The following KCNQ4 variants were observed in gnomAD, a reference collection of about 807,000 sequenced individuals.
KCNQ4 encodes potassium voltage-gated channel subfamily Q member 4.
KCNQ4 carries 31 observed loss-of-function variants against 72.6 expected under a neutral mutation model. The observed-to-expected ratio is 0.43, with a 90% CI of 0.32 to 0.58. The LOEUF (loss-of-function observed/expected upper bound fraction) is 0.58, where lower values mean the gene tolerates loss of function less well. KCNQ4 is among the 20% of genes least tolerant of loss of function. The pLI is 0.08. For missense variants in KCNQ4, 869 were observed against 962.6 expected (o/e 0.90, Z 1.29); for synonymous variants, 405 against 403.7 (o/e 1.00, Z -0.04).
At position 40,831,075 on chromosome 1, in the gene KCNQ4, C is replaced by T; in HGVS notation, c.1293-9C>T. The T allele has an allele frequency of 3.8e-6, 6 of 1,571,054 alleles. No individual in the cohort carries two copies. Among genetic ancestry groups the T allele is most frequent in the Non-Finnish European group, 5.2e-6 (6 of 1,157,876 alleles). ...ACTTGGCTCTCTCCCAACCTGCCTG[C>T]CCTGCCAGCAGCCGGATGGGCATCA... On this transcript the variant is annotated splice_polypyrimidine_tract_variant and intron_variant, in intron 9 of 13. Transcript: ENST00000347132.
At chr1:40,808,530 C>T (rs1354366082) in intron 1 of KCNQ4, among the ~76,000 whole-genome samples, 1 of 152,098 alleles carries the variant, frequency 6.6e-6, no homozygotes, top group Non-Finnish European at 1.5e-5. Flanking sequence ...AGATCCCCCA[C>T]CCCACCCTCC....
chr1:40,830,332 C>T (rs1176270553), intron 9 of KCNQ4, among the ~76,000 whole-genome samples: 2 of 152,168 alleles, frequency 1.3e-5, no homozygotes, highest in African/African-American at 4.8e-5. Flanking sequence ...TAGGCCATCA[C>T]GCTGCACACC....
chr1:40,824,257 A>C lies in KCNQ4; in HGVS notation c.1291A>C (p.Ser431Arg), dbSNP rs778836515. The stretch of plus-strand genomic sequence containing the variant: ...CAGCACCTCCTTCTGCCCTGGGGAA[A>C]GGTAGGGGCCCCGTGGGGCTGCCAC... ...PGSTSFCPGESSRMGIKDRIR... is the reference protein window; with the variant it reads ...PGSTSFCPGERSRMGIKDRIR... Residue 431 changes from serine to arginine, a missense_variant and splice_region_variant, in exon 9 of 14, where the codon AGC becomes CGC. Transcript: ENST00000347132. The C allele has an allele frequency of 6.2e-7, 1 of 1,607,258 alleles. No individual in the cohort carries two copies. Among genetic ancestry groups the C allele is most frequent in the Non-Finnish European group, 8.5e-7 (1 of 1,177,980 alleles).
rs1476670531 is a variant in KCNQ4, at chr1:40,838,476, GC to G, written c.2042del (p.Ala681AspfsTer60). 6.2e-7 allele frequency: 1 copy of G among 1,614,150 alleles called. No homozygotes were observed. The highest frequency in any genetic ancestry group is 2.2e-5 in the East Asian group (1 of 44,882). On this transcript the variant is annotated frameshift_variant, in exon 14 of 14. Transcript: ENST00000347132. LOFTEE classifies it high-confidence loss of function. ...GGACCACGAGGACATCTCCGTCTCC[GC>G]ACAGACGCTCAGCATCTCCCGCTCG... Reference protein sequence around the residue: ...PVDHEDISVSAQTLSISRSVS... With the variant: ...PVDHEDISVSXQTLSISRSVS...
chr1:40,831,990 C>T (rs1648665622), intron 10 of KCNQ4, among the ~76,000 whole-genome samples: 2 of 152,230 alleles, frequency 1.3e-5, no homozygotes, highest in South Asian at 4.1e-4. Context: ...TCTTCCTACC[C>T]CTCTTCACCC....
intron 8 of KCNQ4, among the ~76,000 whole-genome samples, chr1:40,823,836 A>C (rs1648388302): frequency 6.6e-6 from 1 of 152,206 alleles, no homozygotes; most frequent in African/African-American, 2.4e-5. Context: ...TGATGGGCTG[A>C]GAGTAAGCTC....
In KCNQ4 at chr1:40,784,109, C is replaced by T; in HGVS notation, c.16C>T (p.Pro6Ser). 2 of 630,690 alleles carry T rather than the reference C, an allele frequency of 3.2e-6. No homozygotes were observed. The highest frequency in any genetic ancestry group is 6.4e-5 in the South Asian group (1 of 15,700). 39.1% of individuals were successfully genotyped at this position (630,690 alleles called of 1,614,324 possible). A position where few individuals can be genotyped will look rare whatever the true frequency, so the allele number is the denominator to read the frequency against. Residue 6 changes from proline (P) to serine (S), a missense_variant, in exon 1 of 14, where the codon CCG becomes TCG. Transcript: ENST00000347132. This position sits in a 1 kb window ranked among gnomAD's most constrained non-coding sequence, Gnocchi z 4.1. MAEAP[P>S]RRLGLGPPPG... ...GGCGCCGCCCATGGCCGAGGCCCCC[C>T]CGCGCCGCCTCGGCCTGGGTCCCCC...
At chr1:40,801,281 T>C (rs1420238584) in intron 1 of KCNQ4, among the ~76,000 whole-genome samples, 1 of 152,064 alleles carries the variant, frequency 6.6e-6, no homozygotes, top group Non-Finnish European at 1.5e-5. Context: ...ACATCTCCTA[T>C]CTCCTCCTCC....
At chr1:40,830,645 T>C (rs1648613232) in intron 9 of KCNQ4, among the ~76,000 whole-genome samples, 1 of 152,060 alleles carries the variant, frequency 6.6e-6, no homozygotes. Flanking sequence ...ACTGGAGGCC[T>C]ACCTCCGTGT....
At chr1:40,820,772 C>A (rs1254534217) in intron 7 of KCNQ4, among the ~76,000 whole-genome samples, 2 of 152,162 alleles carry the variant, frequency 1.3e-5, no homozygotes, top group African/African-American at 2.4e-5. Context: ...GAAGGAACAG[C>A]CAGAGGGGTG....
chr1:40,793,245 C>T (rs1016880396), intron 1 of KCNQ4, among the ~76,000 whole-genome samples: 5 of 151,932 alleles, frequency 3.3e-5, no homozygotes, highest in African/African-American at 1.2e-4. Context: ...TCCAGCGATC[C>T]TCCCACGGTG....
At chr1:40,805,474 T>C (rs1182429022) in intron 1 of KCNQ4, among the ~76,000 whole-genome samples, 1 of 152,126 alleles carries the variant, frequency 6.6e-6, no homozygotes, top group South Asian at 2.1e-4. Flanking sequence ...ACTCCTTTCC[T>C]GGTAGTTCTG....
intron 1 of KCNQ4, among the ~76,000 whole-genome samples, chr1:40,797,755 C>T (rs1379325747): frequency 6.6e-6 from 1 of 152,156 alleles, no homozygotes; most frequent in Admixed American, 6.5e-5. Context: ...CAACCCTGCT[C>T]AGGGCCTGGC....
intron 1 of KCNQ4, among the ~76,000 whole-genome samples, chr1:40,816,639 C>T (rs902822655): frequency 4.6e-5 from 7 of 152,312 alleles, no homozygotes; most frequent in East Asian, 3.9e-4. Context: ...TTCCTGGCCT[C>T]GATGGCCCAG....
intron 1 of KCNQ4, among the ~76,000 whole-genome samples, chr1:40,816,133 G>A (rs1423779068): frequency 1.3e-5 from 2 of 152,162 alleles, no homozygotes; most frequent in Admixed American, 6.5e-5. Flanking sequence ...AGCATGCACC[G>A]TGCCAGCAAC....
At chr1:40,805,769 G>T (rs2148307255) in intron 1 of KCNQ4, among the ~76,000 whole-genome samples, 1 of 152,308 alleles carries the variant, frequency 6.6e-6, no homozygotes, top group African/African-American at 2.4e-5. Flanking sequence ...CATGCTAAGG[G>T]GTTTGGGCCT....
At chr1:40,809,938 A>G (rs1041612589) in intron 1 of KCNQ4, among the ~76,000 whole-genome samples, 2 of 151,914 alleles carry the variant, frequency 1.3e-5, no homozygotes, top group Admixed American at 1.3e-4. Flanking sequence ...GGTGGTAGGC[A>G]CCTGTAATCC....
chr1:40,804,354 C>G (rs1647684139), intron 1 of KCNQ4, among the ~76,000 whole-genome samples: 1 of 152,174 alleles, frequency 6.6e-6, no homozygotes, highest in South Asian at 2.1e-4. Context: ...GGTGCCAGGC[C>G]CAACTCTGTC....
intron 1 of KCNQ4, among the ~76,000 whole-genome samples, chr1:40,801,833 C>T (rs1647582959): frequency 6.6e-6 from 1 of 152,166 alleles, no homozygotes; most frequent in Admixed American, 6.5e-5. Flanking sequence ...GGGGCCAGGA[C>T]CTGGGCTCAG....
Sources: allele counts gnomAD v4.1 joint callset (sites outside exome capture counted in the v4.1 genomes callset), GRCh38; gene constraint gnomAD v4.1.1; non-coding constraint Gnocchi (gnomAD v3.1); transcripts MANE v1.5; gene names NCBI Gene and HGNC (gene_info 2026-07-23, HGNC 2026-07-21).